The following OTUD7A variants were observed in gnomAD, a reference collection of about 807,000 sequenced individuals.
OTUD7A encodes OTU domain-containing protein 7A.
A neutral mutation model predicts 65.7 loss-of-function variants in OTUD7A; 12 were observed. The ratio of observed to expected loss-of-function variants is 0.18; its 90% CI spans 0.12 to 0.30. The LOEUF is 0.30. OTUD7A is among the 10% of genes least tolerant of loss of function. OTUD7A has a pLI of 1.00. For missense variants in OTUD7A, 1,148 were observed against 1,304.8 expected (o/e 0.88, Z 1.85); for synonymous variants, 641 against 586.3 (o/e 1.09, Z -1.35).
chr15:31,786,026 A>C (rs1410573417), intron 1 of OTUD7A, among the ~76,000 whole-genome samples: 3 of 152,076 alleles, frequency 2.0e-5, no homozygotes, highest in Non-Finnish European at 4.4e-5. Context: ...ATGGGTTATC[A>C]TGGGAGGGGA....
In OTUD7A at chr15:31,602,143, C is replaced by G. The variant is rs59816239; in HGVS notation, c.152-31946G>C. On this transcript the variant is annotated intron_variant, in intron 3 of 12. Coordinates refer to ENST00000307050, the MANE Select transcript of OTUD7A (RefSeq NM_001382637.1). ...TCCTGATACCAAAACCTGGCAAAGA[C>G]ACAACAAAAAAAGAAAATTTCAGGG... Among the ~76,000 whole-genome samples the G allele has an allele frequency of 8.3e-3, 1,259 of 152,136 alleles. 16 individuals carry two copies. The highest frequency in any genetic ancestry group is 0.029 in the African/African-American group (1,197 of 41,494).
chr15:31,739,118 A>AT (rs1894269697), intron 1 of OTUD7A, among the ~76,000 whole-genome samples: 2 of 152,198 alleles, frequency 1.3e-5, no homozygotes, highest in African/African-American at 4.8e-5. Context: ...ACTGATTTAC[A>AT]AACACCCCAG....
intron 1 of OTUD7A, among the ~76,000 whole-genome samples, chr15:31,711,437 C>T (rs1893443059): frequency 6.6e-6 from 1 of 151,470 alleles, no homozygotes; most frequent in Non-Finnish European, 1.5e-5. Flanking sequence ...CTTTGTTTCT[C>T]CCTCTCTCTT....
intron 3 of OTUD7A, among the ~76,000 whole-genome samples, chr15:31,579,590 C>T (rs1889309887): frequency 6.6e-6 from 1 of 152,174 alleles, no homozygotes; most frequent in Admixed American, 6.5e-5. Context: ...CTTATGATTT[C>T]TGGAATTTTC....
Position 31,483,658 on chromosome 15 carries a change from G to A in OTUD7A, c.2438C>T (p.Ser813Leu). The change falls in exon 13 of 13, where the codon TCG becomes TTG. Residue 813 changes from serine (S) to leucine (L), a missense_variant. Around this residue, in one of 6 missense-constraint regions of OTUD7A, gnomAD observed 842 missense variants for 769.5 expected, o/e 1.09. Transcript: ENST00000307050. ...TYPQQNRSLS[S>L]QSYSPARAAA... is the part of the protein sequence containing the mutation. ...GGCGCGCGCCGGGCTGTAGCTCTGCGACGACAGCGAGCGGTTCTGCTGCGG... is the reference window on the plus strand; with the variant it reads ...GGCGCGCGCCGGGCTGTAGCTCTGCAACGACAGCGAGCGGTTCTGCTGCGG... 2 of 1,169,838 alleles carry A rather than the reference G, an allele frequency of 1.7e-6. No individual in the cohort carries two copies. Among genetic ancestry groups the A allele is most frequent in the Non-Finnish European group, 1.1e-6 (1 of 950,330 alleles). The allele number at this position is 1,169,838 out of a possible 1,614,324, so 72.5% of individuals were successfully genotyped here.
chr15:31,484,857 C>T lies in OTUD7A; in HGVS notation c.1372-133G>A. 1 of 1,436,672 alleles carries T rather than the reference C, an allele frequency of 7.0e-7. No individual in the cohort carries two copies. Among genetic ancestry groups the T allele is most frequent in the Non-Finnish European group, 9.2e-7 (1 of 1,091,688 alleles). The allele number at this position is 1,436,672 out of a possible 1,614,324, so 89.0% of individuals were successfully genotyped here. A position where few individuals can be genotyped will look rare whatever the true frequency, so the allele number is the denominator to read the frequency against. ...CCTTCACTGTCCCAGTCCCCACTGT[C>T]GCTCTGGTGACTGTGACATCCGGAT... On this transcript the variant is annotated intron_variant, in intron 12 of 12. Transcript: ENST00000307050. This position sits in a 1 kb window ranked among gnomAD's most constrained non-coding sequence, Gnocchi z 4.5.
At chr15:31,845,988 C>T (rs1897285746) in intron 1 of OTUD7A, among the ~76,000 whole-genome samples, 1 of 152,216 alleles carries the variant, frequency 6.6e-6, no homozygotes, top group African/African-American at 2.4e-5. Flanking sequence ...ATGCCAGGGA[C>T]TCAGCTGTTC....
chr15:31,638,889 C>A (rs1231738344), intron 3 of OTUD7A, among the ~76,000 whole-genome samples: 2 of 152,090 alleles, frequency 1.3e-5, no homozygotes, highest in Non-Finnish European at 2.9e-5. Flanking sequence ...AATCCCAGCG[C>A]TTTGGGAGGC....
intron 1 of OTUD7A, among the ~76,000 whole-genome samples, chr15:31,777,478 G>T (rs1356701654): frequency 6.6e-6 from 1 of 152,142 alleles, no homozygotes; most frequent in Non-Finnish European, 1.5e-5. Context: ...TGAACTGTGG[G>T]GTTGCCAGGA....
At chr15:31,626,200 CA>C (rs1890946083) in intron 3 of OTUD7A, among the ~76,000 whole-genome samples, 2 of 152,074 alleles carry the variant, frequency 1.3e-5, no homozygotes, top group Admixed American at 1.3e-4. Context: ...CATAAAGAAC[CA>C]AAAACATATT....
At chr15:31,558,943 TG>T in intron 5 of OTUD7A, 25 bp downstream of exon 5, 1 of 1,610,724 alleles carries the variant, frequency 6.2e-7, no homozygotes, top group South Asian at 1.1e-5. Context: ...CTAAAGAGGG[TG>T]GGCCTGCTGG....
intron 3 of OTUD7A, among the ~76,000 whole-genome samples, chr15:31,592,257 T>G (rs371319584): frequency 2.6e-5 from 4 of 152,324 alleles, no homozygotes; most frequent in South Asian, 4.1e-4. Context: ...ATTTTATAAA[T>G]TTTTAAAACT....
intron 8 of OTUD7A, among the ~76,000 whole-genome samples, chr15:31,504,789 G>C (rs1339931849): frequency 1.3e-5 from 2 of 152,184 alleles, no homozygotes; most frequent in Non-Finnish European, 2.9e-5. Context: ...CAGCCACCTG[G>C]GACTTCCAGA....
chr15:31,824,021 G>A (rs1896745017), intron 1 of OTUD7A, among the ~76,000 whole-genome samples: 1 of 152,154 alleles, frequency 6.6e-6, no homozygotes, highest in Admixed American at 6.5e-5. Flanking sequence ...CAATCTTACA[G>A]GCTGGTTAGG....
intron 3 of OTUD7A, among the ~76,000 whole-genome samples, chr15:31,579,640 C>T (rs995480593): frequency 1.3e-4 from 20 of 152,188 alleles, no homozygotes; most frequent in Non-Finnish European, 2.8e-4. Context: ...ACAGGTAAAA[C>T]TGAAACCTTT....
intron 3 of OTUD7A, among the ~76,000 whole-genome samples, chr15:31,598,886 G>T (rs143015695): frequency 2.6e-5 from 4 of 152,244 alleles, no homozygotes; most frequent in Admixed American, 1.3e-4. Context: ...AAACAAAGCC[G>T]CAGGGAAGTT....
Position 31,485,010 on chromosome 15 carries a change from G to A in OTUD7A, c.1372-286C>T, listed in dbSNP as rs1013018203. Among the ~76,000 whole-genome samples the A allele has an allele frequency of 3.9e-5, 6 of 152,162 alleles. No individual in the cohort carries two copies. The South Asian group carries it at 1.0e-3, about 26-fold the overall frequency. On this transcript the variant is annotated intron_variant, in intron 12 of 12. Transcript: ENST00000307050. ...GGGGTGTACTCATTCTTTCTCTCTG[G>A]GGGACCTCAGGTACTTGGTACCCTG...
At chr15:31,860,677 G>GTGTGTATATATATATATATACATACA (rs560896384) in intron 1 of OTUD7A, among the ~76,000 whole-genome samples, 1 of 73,284 alleles carries the variant, frequency 1.4e-5, no homozygotes, top group Non-Finnish European at 2.6e-5. Context: ...ATGTATGTGT[G>GTGTGTATATATATATATATACATACA]TATATATATA....
intron 1 of OTUD7A, among the ~76,000 whole-genome samples, chr15:31,859,068 A>C (rs747800363): frequency 2.6e-5 from 4 of 152,260 alleles, no homozygotes; most frequent in Non-Finnish European, 5.9e-5. Context: ...AAAGCACTAT[A>C]AAACTGCAAA....
Sources: allele counts gnomAD v4.1 joint callset (sites outside exome capture counted in the v4.1 genomes callset), GRCh38; gene constraint gnomAD v4.1.1; regional missense constraint gnomAD v4.1.1; non-coding constraint Gnocchi (gnomAD v3.1); transcripts MANE v1.5; gene names NCBI Gene and HGNC (gene_info 2026-07-23, HGNC 2026-07-21).